TENM2: variants seen among roughly 807,000 people sequenced by gnomAD.
The protein encoded by TENM2 is teneurin-2.
TENM2 carries 52 observed loss-of-function variants against 245.2 expected under a neutral mutation model. The observed-to-expected ratio is 0.21, with a 90% CI of 0.17 to 0.27. The LOEUF is 0.27. Among genes scored for constraint, TENM2 ranks in the 10% least tolerant of loss-of-function variants. The pLI is 1.00. For missense variants in TENM2, 3,046 were observed against 3,666.8 expected (o/e 0.83, Z 4.37); for synonymous variants, 1,363 against 1,438.9 (o/e 0.95, Z 1.19).
rs1776151482 is a variant in TENM2, at chr5:167,595,623, G to T, written c.502+220150G>T. Among the ~76,000 whole-genome samples the T allele has an allele frequency of 2.0e-5, 3 of 152,172 alleles. No homozygotes were observed. The South Asian group carries it at 6.2e-4, about 32-fold the overall frequency. On this transcript the variant is annotated intron_variant, in intron 2 of 28. Transcript: ENST00000518659. ...GAGGAGAATAAATAGAGAGCCATTT[G>T]GATTTCGTTAGTTGTTTAGTATTCC...
At chr5:167,796,613 CGTGT>C (rs111717417) in intron 2 of TENM2, among the ~76,000 whole-genome samples, 12 of 148,400 alleles carry the variant, frequency 8.1e-5, no homozygotes, top group Admixed American at 1.4e-4. Flanking sequence ...ATTTGGGGTG[CGTGT>C]GTGTGTGTGT....
chr5:167,751,769 A>G (rs905457004), intron 2 of TENM2, among the ~76,000 whole-genome samples: 8 of 151,918 alleles, frequency 5.3e-5, no homozygotes, highest in Non-Finnish European at 8.8e-5. Flanking sequence ...TTTCTGTTCC[A>G]GTTCACATTA....
the TENM2 span, among the ~76,000 whole-genome samples, chr5:167,048,883 CTTTGA>C: frequency 6.6e-6 from 1 of 152,018 alleles, no homozygotes; most frequent in Non-Finnish European, 1.5e-5. Flanking sequence ...AATAAAGATA[CTTTGA>C]TTTGTTTTCC....
At chr5:167,582,884 A>G (rs1017784874) in intron 2 of TENM2, among the ~76,000 whole-genome samples, 1 of 152,164 alleles carries the variant, frequency 6.6e-6, no homozygotes, top group Non-Finnish European at 1.5e-5. Context: ...GAAATGAATC[A>G]TTTCATGATT....
At chr5:167,395,896 T>G (rs1016811891) in intron 2 of TENM2, among the ~76,000 whole-genome samples, 1 of 151,984 alleles carries the variant, frequency 6.6e-6, no homozygotes, top group Non-Finnish European at 1.5e-5. Flanking sequence ...AAATCAAAAC[T>G]ACAATGAGAT....
intron 16 of TENM2, among the ~76,000 whole-genome samples, chr5:168,199,480 C>T (rs916442140): frequency 1.6e-4 from 24 of 152,272 alleles, no homozygotes; most frequent in African/African-American, 5.8e-4. Context: ...TTATTGCCTC[C>T]CTGTTGCTTT....
At chr5:167,329,158 G>A (rs1757277662) in intron 1 of TENM2, among the ~76,000 whole-genome samples, 2 of 152,270 alleles carry the variant, frequency 1.3e-5, no homozygotes, top group East Asian at 1.9e-4. Context: ...TGGGTAGATA[G>A]AATTGGGACT....
intron 12 of TENM2, among the ~76,000 whole-genome samples, chr5:168,135,869 G>GT (rs909530979): frequency 3.3e-5 from 5 of 152,096 alleles, no homozygotes; most frequent in Non-Finnish European, 7.4e-5. Context: ...ACCAGCCAGT[G>GT]TTTTTTTGGT....
At chr5:167,491,641 T>G (rs1768433359) in intron 2 of TENM2, among the ~76,000 whole-genome samples, 1 of 152,144 alleles carries the variant, frequency 6.6e-6, no homozygotes, top group South Asian at 2.1e-4. Flanking sequence ...CTGTGAATCT[T>G]CTGGTCTTTC....
chr5:167,660,430 A>G (rs1340174250), intron 2 of TENM2: 1 of 138,132 alleles, frequency 7.2e-6, no homozygotes, highest in Non-Finnish European at 1.5e-5. Context: ...GTGCCACTGC[A>G]CTCCAGCCTG....
intron 1 of TENM2, among the ~76,000 whole-genome samples, chr5:167,345,099 T>C (rs1758377358): frequency 6.6e-6 from 1 of 152,188 alleles, no homozygotes; most frequent in Non-Finnish European, 1.5e-5. Context: ...ACTCTCCACA[T>C]TTGCCTAGTC....
chr5:167,714,948 C>A (rs1759160472), intron 2 of TENM2, among the ~76,000 whole-genome samples: 1 of 152,162 alleles, frequency 6.6e-6, no homozygotes, highest in African/African-American at 2.4e-5. Flanking sequence ...TAATTGAAAA[C>A]CTTCTACCCA....
At chr5:167,158,446 G>A in the TENM2 span, among the ~76,000 whole-genome samples, 1 of 152,042 alleles carries the variant, frequency 6.6e-6, no homozygotes, top group African/African-American at 2.4e-5. Context: ...GTTTAGATTG[G>A]CCTGCTTGGG....
At chr5:167,040,606 C>T in the TENM2 span, among the ~76,000 whole-genome samples, 6 of 151,976 alleles carry the variant, frequency 3.9e-5, no homozygotes, top group South Asian at 4.1e-4. Flanking sequence ...ATGTCTGAAT[C>T]TGGTTTTGAA....
At chr5:167,647,245 A>T (rs1276738215) in intron 2 of TENM2, among the ~76,000 whole-genome samples, 1 of 152,180 alleles carries the variant, frequency 6.6e-6, no homozygotes, top group Non-Finnish European at 1.5e-5. Context: ...TGATGGATCC[A>T]CGGTGGGGTT....
rs187698979 is a variant in TENM2 at position 167,587,507 on chromosome 5, C to T, written c.502+212034C>T. ...TACCAGTGGGTCGGATCAATGCACACTAGTGTTCTGGGTATAATGTTTCCA... is the reference window on the plus strand; with the variant it reads ...TACCAGTGGGTCGGATCAATGCACATTAGTGTTCTGGGTATAATGTTTCCA... On this transcript the variant is annotated intron_variant, in intron 2 of 28. Coordinates refer to ENST00000518659, the Ensembl canonical transcript of TENM2. Among the ~76,000 whole-genome samples the T allele has an allele frequency of 3.9e-3, 597 of 152,252 alleles. 5 individuals carry two copies. The highest frequency in any genetic ancestry group is 5.5e-3 in the Non-Finnish European group (377 of 68,016).
intron 2 of TENM2, among the ~76,000 whole-genome samples, chr5:167,797,958 A>G (rs780700582): frequency 6.6e-6 from 1 of 152,234 alleles, no homozygotes; most frequent in Non-Finnish European, 1.5e-5. Context: ...ATCCTGACCA[A>G]TGGGTGGTTC....
chr5:167,739,641 A>G (rs77741835), intron 2 of TENM2, among the ~76,000 whole-genome samples: 4,537 of 152,276 alleles, frequency 0.03, 101 homozygotes, highest in Middle Eastern at 0.048. Context: ...TAGGAGATAC[A>G]GTGTTCAAGG....
At chr5:167,904,826 CT>C (rs916333869) in intron 3 of TENM2, among the ~76,000 whole-genome samples, 5 of 152,142 alleles carry the variant, frequency 3.3e-5, no homozygotes, top group African/African-American at 1.2e-4. Flanking sequence ...GGTGCTGACA[CT>C]GAAAATGCCT....
Sources: gnomAD v4.1 joint callset for allele counts (sites outside exome capture counted in the v4.1 genomes callset) on GRCh38, gnomAD v4.1.1 for gene constraint, MANE v1.5 for transcripts, NCBI Gene and HGNC (gene_info 2026-07-23, HGNC 2026-07-21) for gene names.